Variants in NINJ2 observed in about 807,000 individuals in gnomAD.
NINJ2 encodes the protein ninjurin-2.
In NINJ2, 12 loss-of-function variants were observed where a neutral mutation model predicts 11.7. The ratio of observed to expected loss-of-function variants is 1.02; its 90% CI spans 0.66 to 1.66. The LOEUF is 1.66. NINJ2 is among the 40% of genes most tolerant of loss of function. The pLI is 0.00. For missense variants in NINJ2, 187 were observed against 181.8 expected (o/e 1.03, Z -0.16); for synonymous variants, 93 against 76.8 (o/e 1.21, Z -1.10).
intron 1 of NINJ2, among the ~76,000 whole-genome samples, chr12:592,476 G>C (rs1031347140): frequency 1.3e-5 from 2 of 152,178 alleles, no homozygotes; most frequent in African/African-American, 4.8e-5. Flanking sequence ...CGAGGCTGGC[G>C]GATCACTTGA....
intron 1 of NINJ2, among the ~76,000 whole-genome samples, chr12:634,262 G>GTTTTTTTTTTTTTTTTTTTT (rs1565643231): frequency 2.6e-5 from 2 of 75,620 alleles, no homozygotes; most frequent in Non-Finnish European, 5.8e-5. Context: ...ATTAGTTGCA[G>GTTTTTTTTTTTTTTTTTTTT]TTCTTTTTTT....
intron 1 of NINJ2, chr12:642,610 AG>A (rs1948433639): frequency 6.6e-6 from 1 of 152,274 alleles, no homozygotes; most frequent in Admixed American, 6.5e-5. Context: ...GAACCGAAAT[AG>A]CCCAGACTGG....
At chr12:658,207 G>T (rs143802828) in intron 1 of NINJ2, among the ~76,000 whole-genome samples, 1 of 151,774 alleles carries the variant, frequency 6.6e-6, no homozygotes, top group Admixed American at 6.6e-5. Context: ...CCATGTTAGC[G>T]ATAGCCAGGC....
At chr12:602,849 T>G (rs1422633786) in intron 1 of NINJ2, among the ~76,000 whole-genome samples, 1 of 152,234 alleles carries the variant, frequency 6.6e-6, no homozygotes, top group Non-Finnish European at 1.5e-5. Flanking sequence ...GCTTTATTTT[T>G]TGAGACAGGG....
At chr12:605,771 G>A (rs779948143) in intron 1 of NINJ2, among the ~76,000 whole-genome samples, 2 of 152,080 alleles carry the variant, frequency 1.3e-5, no homozygotes, top group Admixed American at 1.3e-4. Flanking sequence ...AATATGGTTC[G>A]GAACTCAAAA....
chr12:646,498 C>G (rs1294830065), intron 1 of NINJ2, among the ~76,000 whole-genome samples: 1 of 152,128 alleles, frequency 6.6e-6, no homozygotes, highest in Non-Finnish European at 1.5e-5. Context: ...CAGTTCACAA[C>G]AAGGAATGTG....
intron 1 of NINJ2, among the ~76,000 whole-genome samples, chr12:572,574 G>T (rs1592069596): frequency 6.6e-6 from 1 of 152,312 alleles, no homozygotes; most frequent in Non-Finnish European, 1.5e-5. Context: ...CTTGGGAAGG[G>T]TGCCTGGGCC....
chr12:650,574 C>T (rs532849556), intron 1 of NINJ2, among the ~76,000 whole-genome samples: 1 of 152,200 alleles, frequency 6.6e-6, no homozygotes, highest in South Asian at 2.1e-4. Flanking sequence ...TGGCGGGTGC[C>T]TGTAGTCCCA....
chr12:649,097 A>G (rs1937744563), intron 1 of NINJ2, among the ~76,000 whole-genome samples: 1 of 149,806 alleles, frequency 6.7e-6, no homozygotes, highest in Admixed American at 6.7e-5. Flanking sequence ...CCCAGGCTGG[A>G]CTGCAGTGGC....
intron 1 of NINJ2, among the ~76,000 whole-genome samples, chr12:622,478 C>T (rs1948165594): frequency 7.1e-6 from 1 of 141,540 alleles, no homozygotes; most frequent in Non-Finnish European, 1.5e-5. Flanking sequence ...AGGAAGACAA[C>T]TTTTATAAGA....
In NINJ2 at chr12:591,641, T is replaced by C. The variant is rs188227309; in HGVS notation, c.34-25463A>G. Among the ~76,000 whole-genome samples the C allele has an allele frequency of 1.3e-3, 198 of 152,210 alleles. 1 individual carries two copies. Among genetic ancestry groups the C allele is most frequent in the Admixed American group, 3.3e-3 (50 of 15,296 alleles). On this transcript the variant is annotated intron_variant, in intron 1 of 3. Transcript: ENST00000305108. The surrounding 1 kb of genome is among the most constrained non-coding windows in gnomAD (Gnocchi z 5.0). ...GCTCCGAGTCCCTGGAGGGACAGTG[T>C]CTGCTGTGAACAGATGTCACGGAGG...
chr12:638,679 T>C (rs1321373399), intron 1 of NINJ2, among the ~76,000 whole-genome samples: 1 of 152,234 alleles, frequency 6.6e-6, no homozygotes, highest in African/African-American at 2.4e-5. Flanking sequence ...CCTCCCAAAG[T>C]GCTGGGATTA....
At chr12:624,808 C>CA (rs11371283) in intron 1 of NINJ2, among the ~76,000 whole-genome samples, 104,090 of 129,574 alleles carry the variant, frequency 0.8, 41,619 homozygotes, top group East Asian at 0.94. Flanking sequence ...GACTCCATCT[C>CA]AAAAAAAAAA....
intron 1 of NINJ2, among the ~76,000 whole-genome samples, chr12:595,134 C>CA (rs1445645324): frequency 2.7e-5 from 4 of 149,822 alleles, no homozygotes; most frequent in Non-Finnish European, 4.4e-5. Context: ...CATCCACATG[C>CA]AAAAAGAAAA....
intron 1 of NINJ2, among the ~76,000 whole-genome samples, chr12:608,684 C>T (rs1200889224): frequency 6.6e-6 from 1 of 151,878 alleles, no homozygotes; most frequent in Non-Finnish European, 1.5e-5. Context: ...CATCTCAGCC[C>T]TCACTAGCTA....
chr12:653,983 A>G (rs1937833986), intron 1 of NINJ2, among the ~76,000 whole-genome samples: 1 of 152,178 alleles, frequency 6.6e-6, no homozygotes, highest in African/African-American at 2.4e-5. Flanking sequence ...AAATCACTTG[A>G]AGCCAGGAGT....
At chr12:601,083 C>T (rs1592089032) in intron 1 of NINJ2, among the ~76,000 whole-genome samples, 2 of 152,186 alleles carry the variant, frequency 1.3e-5, no homozygotes, top group East Asian at 3.8e-4. Context: ...CTGTGATTTG[C>T]TCTCTCCTGC....
chr12:577,979 A>C (rs1394888369), intron 1 of NINJ2, among the ~76,000 whole-genome samples: 1 of 152,140 alleles, frequency 6.6e-6, no homozygotes, highest in Non-Finnish European at 1.5e-5. Context: ...AAGAAGAAGT[A>C]AAAACTAAAA....
rs1342541294 is a variant in NINJ2 at position 610,377 on chromosome 12, G to A, written c.34-44199C>T. The A allele has an allele frequency of 3.9e-6, 6 of 1,535,450 alleles. No individual in the cohort carries two copies. In the African/African-American group the frequency reaches 4.1e-5, roughly 11 times the overall value. ...CATCATGACTCAGATCCCATTTGCTGACTTGGAACTGAAGCCTCTTGCCCC... is the reference window on the plus strand; with the variant it reads ...CATCATGACTCAGATCCCATTTGCTAACTTGGAACTGAAGCCTCTTGCCCC... On this transcript the variant is annotated intron_variant, in intron 1 of 3. Transcript: ENST00000305108.
Sources: gnomAD v4.1 joint callset for allele counts (sites outside exome capture counted in the v4.1 genomes callset) on GRCh38, gnomAD v4.1.1 for gene constraint, Gnocchi (gnomAD v3.1) non-coding constraint, MANE v1.5 for transcripts, NCBI Gene and HGNC (gene_info 2026-07-23, HGNC 2026-07-21) for gene names.